ERICH1: variants seen among roughly 807,000 people sequenced by gnomAD.
ERICH1 encodes the protein glutamate-rich protein 1.
ERICH1 carries 56 observed loss-of-function variants against 39.6 expected under a neutral mutation model. The observed-to-expected ratio is 1.41, with a 90% confidence interval of 1.14 to 1.77. ERICH1 has a LOEUF of 1.77. ERICH1 is among the 40% of genes most tolerant of loss of function. The pLI, the probability that ERICH1 is intolerant of heterozygous loss-of-function variation, is 0.00. For synonymous variants in ERICH1, 313 were observed against 223.6 expected, an observed-to-expected ratio of 1.40 and a Z score of -3.57; for missense variants, 826 against 575.4, an observed-to-expected ratio of 1.44 and a Z score of -4.45.
intron 2 of ERICH1, among the ~76,000 whole-genome samples, chr8:706,224 A>G (rs1008552125): frequency 3.3e-5 from 5 of 152,234 alleles, no homozygotes; most frequent in Non-Finnish European, 7.3e-5. Flanking sequence ...GTGACTGTAC[A>G]TAGAAAATCT....
At chr8:715,118 G>T (rs1041901464) in intron 2 of ERICH1, among the ~76,000 whole-genome samples, 20 of 151,632 alleles carry the variant, frequency 1.3e-4, no homozygotes, top group African/African-American at 4.6e-4. Context: ...ACATCCAGGT[G>T]GTCTCTTCCC....
At chr8:644,194 C>G (rs1370373116) in intron 3 of ERICH1, among the ~76,000 whole-genome samples, 1 of 152,196 alleles carries the variant, frequency 6.6e-6, no homozygotes, top group African/African-American at 2.4e-5. Flanking sequence ...TGGCCCCATC[C>G]TAAGGCAAGC....
intron 4 of ERICH1, chr8:672,328 A>G (rs1803616617): frequency 6.6e-6 from 1 of 152,240 alleles, no homozygotes; most frequent in African/African-American, 2.4e-5. Context: ...ATTTGTTAAT[A>G]CAATCTGCTG....
intron 4 of ERICH1, among the ~76,000 whole-genome samples, chr8:670,318 G>A (rs1381875597): frequency 1.4e-5 from 2 of 146,320 alleles, no homozygotes; most frequent in East Asian, 3.9e-4. Flanking sequence ...CTCTCCCACT[G>A]TGGCTCTACT....
chr8:678,275 A>T (rs1396012719), intron 3 of ERICH1, among the ~76,000 whole-genome samples: 1 of 152,162 alleles, frequency 6.6e-6, no homozygotes, highest in Non-Finnish European at 1.5e-5. Flanking sequence ...AGTTTAAGAG[A>T]GGAGGCTTGA....
Position 664,766 on chromosome 8 carries a change from C to A in ERICH1, c.1259-90G>T, listed in dbSNP as rs1034038191. On this transcript the variant is annotated intron_variant, in intron 5 of 5. Transcript: ENST00000262109. ...ATTATGTAGACACGAGCCTTTGGGC[C>A]CAAAGTGAACTCCCAAATAATCTAA... 5.0e-6 allele frequency: 5 copies of A among 998,470 alleles called. No individual in the cohort carries two copies. In the African/African-American group the frequency reaches 6.5e-5, roughly 13 times the overall value. The allele number at this position is 998,470 out of a possible 1,614,324, so 61.9% of individuals were successfully genotyped here.
chr8:727,224 C>G (rs1004669277), intron 1 of ERICH1, among the ~76,000 whole-genome samples: 3 of 151,914 alleles, frequency 2.0e-5, no homozygotes, highest in African/African-American at 7.3e-5. Flanking sequence ...ATAGGAACAG[C>G]GGCACACATA....
chr8:658,034 T>G (rs10090260), intron 3 of ERICH1, among the ~76,000 whole-genome samples: 3 of 152,110 alleles, frequency 2.0e-5, no homozygotes, highest in Admixed American at 2.0e-4. Flanking sequence ...CCACGGACCA[T>G]GTTTGAGAGA....
rs112423229 is a variant in ERICH1 at position 698,346 on chromosome 8, G to C, written c.170-5734C>G. Among the ~76,000 whole-genome samples the C allele has an allele frequency of 6.1e-3, 931 of 151,926 alleles. 11 individuals are homozygous for C. The highest frequency in any genetic ancestry group is 0.022 in the African/African-American group (892 of 41,426). On this transcript the variant is annotated intron_variant, in intron 2 of 5. Coordinates refer to ENST00000262109, the MANE Select transcript of ERICH1 (RefSeq NM_207332.3). ...CGACTCTCATTCCTCAGTCTCCCGAGTACCTGGGACTACAGGTGTGCACCA... is the reference window on the plus strand; with the variant it reads ...CGACTCTCATTCCTCAGTCTCCCGACTACCTGGGACTACAGGTGTGCACCA...
At position 731,218 on chromosome 8, in the gene ERICH1, G is replaced by T. The variant is rs1180424610; in HGVS notation, c.-57C>A. The T allele has an allele frequency of 1.4e-6, 2 of 1,415,600 alleles. No homozygotes were observed. Among genetic ancestry groups the T allele is most frequent in the Admixed American group, 3.0e-5 (1 of 32,952 alleles). 87.7% of individuals were successfully genotyped at this position (1,415,600 alleles called of 1,614,324 possible). A position where few individuals can be genotyped will look rare whatever the true frequency, so the allele number is the denominator to read the frequency against. On this transcript the variant is annotated 5_prime_UTR_variant, in exon 1 of 6. Coordinates refer to ENST00000262109, the MANE Select transcript of ERICH1 (RefSeq NM_207332.3). ...CGCGCGGTCCTGAGCTGAGCGCCGT[G>T]CCTTCCGGGTTCCGCCCTCCTGGGT...
chr8:716,606 T>G (rs1393036694), intron 1 of ERICH1, among the ~76,000 whole-genome samples: 2 of 152,274 alleles, frequency 1.3e-5, no homozygotes, highest in African/African-American at 2.4e-5. Flanking sequence ...TTTGCTTGTT[T>G]TAGTTTACGT....
chr8:720,470 C>G (rs1253121215), intron 1 of ERICH1, among the ~76,000 whole-genome samples: 1 of 152,214 alleles, frequency 6.6e-6, no homozygotes, highest in Non-Finnish European at 1.5e-5. Flanking sequence ...GGAAAACAGG[C>G]TGCTTAAAAA....
chr8:718,238 G>A (rs1276122394), intron 1 of ERICH1, among the ~76,000 whole-genome samples: 4 of 150,832 alleles, frequency 2.7e-5, no homozygotes, highest in African/African-American at 7.3e-5. Flanking sequence ...GGTATGGATC[G>A]GAGTGCACGG....
At chr8:659,948 CCTTT>C (rs751651776), downstream of ERICH1, among the ~76,000 whole-genome samples, 47 of 152,324 alleles carry the variant, frequency 3.1e-4, 2 homozygotes, top group Non-Finnish European at 3.4e-4. Context: ...CGTCTCCCTT[CCTTT>C]GTGTCCTCAT....
intron 1 of ERICH1, among the ~76,000 whole-genome samples, chr8:730,512 G>C (rs1819736171): frequency 1.3e-5 from 2 of 152,204 alleles, no homozygotes; most frequent in Non-Finnish European, 2.9e-5. Context: ...TAATGAGCTG[G>C]GGTTTGCAGG....
intron 3 of ERICH1, among the ~76,000 whole-genome samples, chr8:650,061 C>T (rs1210370331): frequency 6.6e-6 from 1 of 152,214 alleles, no homozygotes; most frequent in African/African-American, 2.4e-5. Flanking sequence ...GTCCTGCTCT[C>T]GGCTTTCGTG....
At chr8:655,691 CCTTCCTT>C (rs1800563047) in intron 3 of ERICH1, among the ~76,000 whole-genome samples, 1 of 150,704 alleles carries the variant, frequency 6.6e-6, no homozygotes, top group Non-Finnish European at 1.5e-5. Context: ...TTCCTTCCTT[CCTTCCTT>C]CCTTCCTTCT....
At chr8:710,660 C>G (rs1814519358) in intron 2 of ERICH1, among the ~76,000 whole-genome samples, 1 of 152,228 alleles carries the variant, frequency 6.6e-6, no homozygotes, top group Non-Finnish European at 1.5e-5. Flanking sequence ...CTTTCACTTA[C>G]TAATAAGCAT....
At chr8:716,834 C>T (rs1011011479) in intron 1 of ERICH1, among the ~76,000 whole-genome samples, 3 of 151,984 alleles carry the variant, frequency 2.0e-5, no homozygotes, top group African/African-American at 7.2e-5. Flanking sequence ...TGAGAGGAGA[C>T]GCTGGGGGTG....
Sources: allele counts gnomAD v4.1 joint callset (sites outside exome capture counted in the v4.1 genomes callset), GRCh38; gene constraint gnomAD v4.1.1; transcripts MANE v1.5; gene names NCBI Gene and HGNC (gene_info 2026-07-23, HGNC 2026-07-21).